The following EPHB1 variants were observed in gnomAD, a reference collection of about 807,000 sequenced individuals.
EPHB1 encodes EPH receptor B1, also known as ephrin type-B receptor 1.
A neutral mutation model predicts 94.4 loss-of-function variants in EPHB1; 30 were observed. That is an observed-to-expected ratio of 0.32 (90% CI 0.24 to 0.43). EPHB1 has a LOEUF of 0.43. Ranked by LOEUF, EPHB1 falls within the 20% of genes least tolerant of loss-of-function variation. The pLI is 1.00. For missense variants in EPHB1, 1,055 were observed against 1,308.3 expected, an observed-to-expected ratio of 0.81 and a Z score of 2.99; for synonymous variants, 522 against 489.1, an observed-to-expected ratio of 1.07 and a Z score of -0.89.
intron 12 of EPHB1, among the ~76,000 whole-genome samples, chr3:135,229,866 G>A (rs986325297): frequency 6.6e-6 from 1 of 152,226 alleles, no homozygotes; most frequent in Non-Finnish European, 1.5e-5. Context: ...GCACAGGGCA[G>A]GGACAGAATG....
chr3:135,216,979 C>T (rs1323745661), intron 12 of EPHB1, among the ~76,000 whole-genome samples: 1 of 152,138 alleles, frequency 6.6e-6, no homozygotes, highest in Non-Finnish European at 1.5e-5. Context: ...TGGGGGTCAC[C>T]TGTGTCTGGA....
intron 3 of EPHB1, among the ~76,000 whole-genome samples, chr3:135,053,027 G>GTGTGTATATATA (rs1256844091): frequency 9.1e-6 from 1 of 110,474 alleles, no homozygotes; most frequent in East Asian, 2.6e-4. Flanking sequence ...GTGTGTGTGT[G>GTGTGTATATATA]TATATATATA....
At chr3:134,889,747 C>T (rs771485460) in intron 1 of EPHB1, among the ~76,000 whole-genome samples, 24 of 151,500 alleles carry the variant, frequency 1.6e-4, no homozygotes, top group African/African-American at 2.9e-4. Context: ...GCGCGATCTC[C>T]GCTTGCTGCA....
At chr3:135,071,703 T>C (rs1937718209) in intron 3 of EPHB1, among the ~76,000 whole-genome samples, 2 of 152,318 alleles carry the variant, frequency 1.3e-5, no homozygotes, top group South Asian at 2.1e-4. Context: ...ATCTGTACAC[T>C]AATGACTCCA....
intron 6 of EPHB1, among the ~76,000 whole-genome samples, chr3:135,157,089 G>A (rs2107696275): frequency 6.6e-6 from 1 of 152,242 alleles, no homozygotes; most frequent in East Asian, 1.9e-4. Flanking sequence ...CATTGCTATG[G>A]GTAAAGAAGT....
At chr3:135,058,103 A>G (rs1439613293) in intron 3 of EPHB1, among the ~76,000 whole-genome samples, 1 of 152,222 alleles carries the variant, frequency 6.6e-6, no homozygotes, top group Admixed American at 6.5e-5. Context: ...TGGACTGCGG[A>G]CAGATACAGA....
At position 135,162,193 on chromosome 3, in the gene EPHB1, G is replaced by A; in HGVS notation, c.1585+13G>A. ...ACTCTGACTGACGGTAAGGGTCGGGGAGGGCAGTGGCATAATCACAGGGCA... is the reference window on the plus strand; with the variant it reads ...ACTCTGACTGACGGTAAGGGTCGGGAAGGGCAGTGGCATAATCACAGGGCA... On this transcript the variant is annotated intron_variant, in intron 7 of 15. Transcript: ENST00000398015. 1 of 1,586,966 alleles carries A rather than the reference G, an allele frequency of 6.3e-7. No homozygotes were observed. Among genetic ancestry groups the A allele is most frequent in the Non-Finnish European group, 8.6e-7 (1 of 1,163,156 alleles).
intron 2 of EPHB1, among the ~76,000 whole-genome samples, chr3:134,937,315 T>C (rs899373113): frequency 4.6e-5 from 7 of 152,196 alleles, no homozygotes; most frequent in Non-Finnish European, 8.8e-5. Flanking sequence ...TCCCACCCAA[T>C]TGGGAGAACA....
intron 1 of EPHB1, among the ~76,000 whole-genome samples, chr3:134,907,478 TG>T (rs1474725180): frequency 1.3e-5 from 2 of 152,232 alleles, no homozygotes; most frequent in African/African-American, 2.4e-5. Flanking sequence ...GAGATTTGAA[TG>T]CTGTAGAGTG....
rs1048317828 is a variant in EPHB1, at chr3:135,201,812, A to G, written c.2346+123A>G. ...GAACCTGAACTGAGCTCTCCACTGAAAGACCAAGATGCCAGGAGGACCATC... is the reference window on the plus strand; with the variant it reads ...GAACCTGAACTGAGCTCTCCACTGAGAGACCAAGATGCCAGGAGGACCATC... On this transcript the variant is annotated intron_variant, in intron 12 of 15. Coordinates refer to ENST00000398015, the MANE Select transcript of EPHB1 (RefSeq NM_004441.5). 5.3e-6 allele frequency: 5 copies of G among 937,496 alleles called. No homozygotes were observed. The Admixed American group carries it at 1.3e-4, about 24-fold the overall frequency. The allele number at this position is 937,496 out of a possible 1,614,324, so 58.1% of individuals were successfully genotyped here.
intron 1 of EPHB1, among the ~76,000 whole-genome samples, chr3:134,848,151 A>ATGAAG (rs1271168368): frequency 6.6e-6 from 1 of 152,204 alleles, no homozygotes; most frequent in Non-Finnish European, 1.5e-5. Flanking sequence ...ATGAAATGAA[A>ATGAAG]TGAAACTGGA....
At chr3:135,061,575 A>G (rs1937510722) in intron 3 of EPHB1, among the ~76,000 whole-genome samples, 1 of 151,844 alleles carries the variant, frequency 6.6e-6, no homozygotes, top group African/African-American at 2.4e-5. Flanking sequence ...GTAGTATTCC[A>G]TCATATATAT....
At chr3:135,244,298 G>A (rs1943868195) in intron 13 of EPHB1, among the ~76,000 whole-genome samples, 1 of 152,218 alleles carries the variant, frequency 6.6e-6, no homozygotes, top group Admixed American at 6.5e-5. Context: ...CAAAAGAGTT[G>A]TTGCTGAACT....
At chr3:134,972,341 T>TAA (rs1246474691) in intron 3 of EPHB1, among the ~76,000 whole-genome samples, 1 of 148,050 alleles carries the variant, frequency 6.8e-6, no homozygotes, top group African/African-American at 2.5e-5. Context: ...TGTATATATA[T>TAA]AAATATCTAT....
intron 3 of EPHB1, among the ~76,000 whole-genome samples, chr3:135,020,076 A>G (rs1172575445): frequency 6.6e-6 from 1 of 152,188 alleles, no homozygotes; most frequent in Non-Finnish European, 1.5e-5. Flanking sequence ...ACTTGGTACA[A>G]CAAACGGTGT....
chr3:135,123,837 A>G (rs776369622), intron 4 of EPHB1, among the ~76,000 whole-genome samples: 29 of 151,654 alleles, frequency 1.9e-4, no homozygotes, highest in Non-Finnish European at 3.1e-4. Context: ...TGCTGATGTC[A>G]TTCTGGCCCA....
chr3:134,849,813 A>T (rs879495227), intron 1 of EPHB1, among the ~76,000 whole-genome samples: 20 of 152,002 alleles, frequency 1.3e-4, no homozygotes, highest in Non-Finnish European at 2.8e-4. Flanking sequence ...GGGGTCTGTT[A>T]CCCCGTTCTT....
intron 10 of EPHB1, among the ~76,000 whole-genome samples, chr3:135,181,535 G>A (rs1033020122): frequency 3.9e-4 from 59 of 152,164 alleles, no homozygotes; most frequent in Non-Finnish European, 6.3e-4. Context: ...TTTCAGTCCT[G>A]TACTCTGTTT....
chr3:135,185,927 A>G (rs1327476088), intron 10 of EPHB1, among the ~76,000 whole-genome samples: 1 of 152,226 alleles, frequency 6.6e-6, no homozygotes, highest in Non-Finnish European at 1.5e-5. Flanking sequence ...ACTGTCCCAC[A>G]TGCCCTGGAG....
Sources: gnomAD v4.1 joint callset for allele counts (sites outside exome capture counted in the v4.1 genomes callset) on GRCh38, gnomAD v4.1.1 for gene constraint, MANE v1.5 for transcripts, NCBI Gene and HGNC (gene_info 2026-07-23, HGNC 2026-07-21) for gene names.